Variants in RPTOR observed in about 807,000 individuals in gnomAD.
RPTOR encodes regulatory associated protein of MTOR complex 1.
A neutral mutation model predicts 169.9 loss-of-function variants in RPTOR; 21 were observed. The ratio of observed to expected loss-of-function variants is 0.12; its 90% CI spans 0.09 to 0.18. The LOEUF (loss-of-function observed/expected upper bound fraction) is 0.18. Among genes scored for constraint, RPTOR ranks in the 10% least tolerant of loss-of-function variants. The probability of loss-of-function intolerance (pLI) is 1.00; values close to 1 mark genes in which losing one functional copy is unlikely to be tolerated. For missense variants in RPTOR, 1,133 were observed against 1,855.9 expected, an observed-to-expected ratio of 0.61 and a Z score of 7.16; for synonymous variants, 732 against 753.2, an observed-to-expected ratio of 0.97 and a Z score of 0.46.
intron 11 of RPTOR, among the ~76,000 whole-genome samples, chr17:80,850,529 C>T (rs1467767305): frequency 6.6e-6 from 1 of 152,232 alleles, no homozygotes; most frequent in Non-Finnish European, 1.5e-5. Flanking sequence ...TGTGCCTCAA[C>T]CTCCAGAGTA....
At chr17:80,597,841 T>C (rs1347282532) in intron 1 of RPTOR, among the ~76,000 whole-genome samples, 3 of 152,076 alleles carry the variant, frequency 2.0e-5, no homozygotes, top group African/African-American at 7.2e-5. Context: ...GGTTTTTTTT[T>C]TCCTAAAGAT....
intron 27 of RPTOR, among the ~76,000 whole-genome samples, chr17:80,948,381 C>T (rs538180184): frequency 6.6e-6 from 1 of 152,366 alleles, no homozygotes; most frequent in South Asian, 2.1e-4. Flanking sequence ...CGTCTTTGTC[C>T]CTGTAGCTGT....
rs986959322 is a variant in RPTOR at position 80,746,637 on chromosome 17, C to T, written c.655-7373C>T. On this transcript the variant is annotated intron_variant, in intron 5 of 33. Coordinates refer to ENST00000306801, the MANE Select transcript of RPTOR (RefSeq NM_020761.3). The surrounding 1 kb of genome is among the most constrained non-coding windows in gnomAD (Gnocchi z 4.5). ...CCTTTGGGTGCACGCTCACCTTAGG[C>T]TTGCTGTTTGGGAAAACCATGGCTC... Among the ~76,000 whole-genome samples, 2 of 152,162 alleles carry T rather than the reference C, an allele frequency of 1.3e-5. No individual in the cohort carries two copies. The highest frequency in any genetic ancestry group is 4.8e-5 in the African/African-American group (2 of 41,428).
chr17:80,677,256 G>T (rs1031589498), intron 3 of RPTOR, among the ~76,000 whole-genome samples: 1 of 152,108 alleles, frequency 6.6e-6, no homozygotes, highest in African/African-American at 2.4e-5. Context: ...TCAATTCTAT[G>T]CTCTTCAGCT....
rs139669427 is a variant in RPTOR at position 80,828,494 on chromosome 17, G to A, written c.1136+5271G>A. 5.6e-3 allele frequency among the ~76,000 whole-genome samples: 856 copies of A among 152,330 alleles called. 9 individuals are homozygous for A. Among genetic ancestry groups the A allele is most frequent in the African/African-American group, 0.019 (810 of 41,564 alleles). On this transcript the variant is annotated intron_variant, in intron 9 of 33. Coordinates refer to ENST00000306801, the MANE Select transcript of RPTOR (RefSeq NM_020761.3). ...ACGCTTCGATGCCTGGCCGAGACCC[G>A]CCTGGCTTGGGCCTGCCCTTGGTTG...
intron 6 of RPTOR, among the ~76,000 whole-genome samples, chr17:80,757,178 C>G: frequency 6.6e-6 from 1 of 152,130 alleles, no homozygotes; most frequent in Non-Finnish European, 1.5e-5. Context: ...GTTGAGAGAA[C>G]AAGAATATGG....
At chr17:80,669,826 T>A (rs2065808540) in intron 3 of RPTOR, among the ~76,000 whole-genome samples, 1 of 152,264 alleles carries the variant, frequency 6.6e-6, no homozygotes, top group South Asian at 2.1e-4. Flanking sequence ...CTTCCTTTTT[T>A]TCCTGATACT....
chr17:80,922,954 C>G (rs1021785033), intron 22 of RPTOR, 127 bp downstream of exon 22: 10 of 762,282 alleles, frequency 1.3e-5, no homozygotes, highest in Admixed American at 8.0e-5. Context: ...CTCCTCCCCC[C>G]TCTCCAGCGG....
At chr17:80,900,120 C>G (rs1486803655) in intron 20 of RPTOR, among the ~76,000 whole-genome samples, 2 of 152,092 alleles carry the variant, frequency 1.3e-5, no homozygotes, top group Non-Finnish European at 2.9e-5. Context: ...GCCAAGGGGA[C>G]CGGCGTTTAC....
intron 1 of RPTOR, among the ~76,000 whole-genome samples, chr17:80,570,858 A>G (rs2064897924): frequency 6.6e-6 from 1 of 152,238 alleles, no homozygotes; most frequent in Non-Finnish European, 1.5e-5. Context: ...TCACTTTCCA[A>G]CTTACACACA....
At chr17:80,622,633 G>A (rs2065362645) in intron 1 of RPTOR, among the ~76,000 whole-genome samples, 1 of 152,226 alleles carries the variant, frequency 6.6e-6, no homozygotes, top group African/African-American at 2.4e-5. Flanking sequence ...GGGTGCAGTG[G>A]CGCATGCCTG....
intron 9 of RPTOR, among the ~76,000 whole-genome samples, chr17:80,824,056 G>A (rs751500563): frequency 1.3e-5 from 2 of 152,248 alleles, no homozygotes; most frequent in Non-Finnish European, 2.9e-5. Context: ...AACGTGTACA[G>A]GACCACTTTC....
intron 6 of RPTOR, among the ~76,000 whole-genome samples, chr17:80,762,425 G>T (rs2066745390): frequency 6.6e-6 from 1 of 152,202 alleles, no homozygotes; most frequent in South Asian, 2.1e-4. Flanking sequence ...GCCCCAGGGT[G>T]CAGGCAAGGC....
At chr17:80,700,754 AT>A (rs1567864729) in intron 3 of RPTOR, among the ~76,000 whole-genome samples, 7 of 22,448 alleles carry the variant, frequency 3.1e-4, no homozygotes, top group Non-Finnish European at 6.0e-4. Context: ...GGTGGTGGTG[AT>A]GATGGTGATG....
chr17:80,912,399 A>G (rs1470159967), intron 21 of RPTOR, among the ~76,000 whole-genome samples: 1 of 152,174 alleles, frequency 6.6e-6, no homozygotes, highest in Admixed American at 6.5e-5. Flanking sequence ...TCATGATGAA[A>G]TCAGTATTCA....
At chr17:80,870,492 A>G (rs1234381775) in intron 13 of RPTOR, among the ~76,000 whole-genome samples, 1 of 152,084 alleles carries the variant, frequency 6.6e-6, no homozygotes, top group Admixed American at 6.5e-5. Flanking sequence ...CTGCTTCTCC[A>G]CTTTTCCCCA....
chr17:80,908,198 G>A (rs1000930792), intron 20 of RPTOR, among the ~76,000 whole-genome samples: 3 of 152,230 alleles, frequency 2.0e-5, no homozygotes, highest in Non-Finnish European at 2.9e-5. Context: ...GTCCTGCCTT[G>A]TCTGTCTTTG....
rs1160989294 is a variant in RPTOR at position 80,700,535 on chromosome 17, GTGA to G, written c.349-7297_349-7295del. The stretch of plus-strand genomic sequence containing the variant: ...GATGGTGATGGTGGTGGTGGTGGTG[GTGA>G]TGATGATGGTGGTGGTGATGGTAGA... On this transcript the variant is annotated intron_variant, in intron 3 of 33. Transcript: ENST00000306801. Among the ~76,000 whole-genome samples the G allele has an allele frequency of 4.6e-3, 400 of 87,050 alleles. 5 individuals are homozygous for G. The highest frequency in any genetic ancestry group is 0.014 in the African/African-American group (339 of 24,610). 57.1% of individuals were successfully genotyped at this position (87,050 alleles called of 152,430 possible). A position where few individuals can be genotyped will look rare whatever the true frequency, so the allele number is the denominator to read the frequency against.
intron 6 of RPTOR, among the ~76,000 whole-genome samples, chr17:80,780,724 CT>C (rs2066933409): frequency 6.6e-6 from 1 of 152,212 alleles, no homozygotes; most frequent in Non-Finnish European, 1.5e-5. Flanking sequence ...GAAGTTCCTT[CT>C]TAGCCTGTGG....
Sources: gnomAD v4.1 joint callset for allele counts (sites outside exome capture counted in the v4.1 genomes callset) on GRCh38, gnomAD v4.1.1 for gene constraint, Gnocchi (gnomAD v3.1) non-coding constraint, MANE v1.5 for transcripts, NCBI Gene and HGNC (gene_info 2026-07-23, HGNC 2026-07-21) for gene names.